The following MBNL1 variants were observed in gnomAD, a reference collection of about 807,000 sequenced individuals.
MBNL1 encodes muscleblind like splicing regulator 1.
MBNL1 carries 8 observed loss-of-function variants against 42.2 expected under a neutral mutation model. That is an observed-to-expected ratio of 0.19 (90% CI 0.11 to 0.34). The LOEUF is 0.34. MBNL1 is among the 10% of genes least tolerant of loss of function. MBNL1 has a pLI of 1.00. For missense variants in MBNL1, 309 were observed against 495.3 expected (o/e 0.62, Z 3.57); for synonymous variants, 169 against 173.9 (o/e 0.97, Z 0.22).
intron 4 of MBNL1, among the ~76,000 whole-genome samples, chr3:152,435,774 T>C (rs996967392): frequency 2.0e-5 from 3 of 152,174 alleles, no homozygotes; most frequent in African/African-American, 7.2e-5. Context: ...GCTTAACTGT[T>C]ATTCCTAAGT....
intron 2 of MBNL1, among the ~76,000 whole-genome samples, chr3:152,359,975 A>C (rs2153107691): frequency 6.6e-6 from 1 of 152,326 alleles, no homozygotes; most frequent in Non-Finnish European, 1.5e-5. Context: ...TGCCTTTTGA[A>C]AACATTGGGC....
Position 152,252,134 on chromosome 3 carries a change from A to ACCTTCCTTCCTTCCTTCCTTCCTTCCTT in MBNL1, n.333+7713_333+7740dup, listed in dbSNP as rs139692617. ...CATCCATTCTAGAACAAACTAACCT[A>ACCTTCCTTCCTTCCTTCCTTCCTTCCTT]CCTTCCTTCCTTCCTTCCTTCCTTC... On this transcript the variant is annotated intron_variant and non_coding_transcript_variant, in intron 2 of 2. Transcript: ENST00000477171. Among the ~76,000 whole-genome samples, 31 of 102,878 alleles carry ACCTTCCTTCCTTCCTTCCTTCCTTCCTT rather than the reference A, an allele frequency of 3.0e-4. 1 individual carries two copies. The highest frequency in any genetic ancestry group is 5.1e-4 in the Admixed American group (5 of 9,828). The allele number at this position is 102,878 out of a possible 152,430, so 67.5% of individuals were successfully genotyped here.
chr3:152,244,783 C>G (rs1325027967), intron 2 of MBNL1, among the ~76,000 whole-genome samples: 2 of 151,732 alleles, frequency 1.3e-5, no homozygotes, highest in African/African-American at 4.8e-5. Context: ...TTCTTCTTTC[C>G]CAGCTCTAGA....
In MBNL1 at chr3:152,463,423, TCAAAAGA is replaced by T. The variant is rs1748586477; in HGVS notation, c.*1059_*1065del. The stretch of plus-strand genomic sequence containing the variant: ...TTCTATTTATAGCCTCTGTCAAAAG[TCAAAAGA>T]CTATAAATGCTTTGCAAAAATGGTT... On this transcript the variant is annotated 3_prime_UTR_variant, in exon 10 of 10. Transcript: ENST00000324210. 6.6e-6 allele frequency: 1 copy of T among 152,438 alleles called. No individual in the cohort carries two copies. The highest frequency in any genetic ancestry group is 1.5e-5 in the Non-Finnish European group (1 of 67,940). The allele number at this position is 152,438 out of a possible 1,614,324, so 9.4% of individuals were successfully genotyped here.
chr3:152,362,573 TG>T (rs2096056810), intron 2 of MBNL1, among the ~76,000 whole-genome samples: 1 of 152,162 alleles, frequency 6.6e-6, no homozygotes. Flanking sequence ...ATTGTCATCT[TG>T]GACCCGATAA....
intron 2 of MBNL1, among the ~76,000 whole-genome samples, chr3:152,328,640 C>G (rs372007630): frequency 6.6e-6 from 1 of 152,040 alleles, no homozygotes; most frequent in Non-Finnish European, 1.5e-5. Context: ...TATGACATTA[C>G]GGAGAAGTAC....
At chr3:152,432,203 T>G (rs2099016287) in intron 3 of MBNL1, among the ~76,000 whole-genome samples, 1 of 152,214 alleles carries the variant, frequency 6.6e-6, no homozygotes, top group South Asian at 2.1e-4. Context: ...CCCATGAGAT[T>G]TATTTACAGC....
intron 2 of MBNL1, among the ~76,000 whole-genome samples, chr3:152,408,002 G>C (rs2098474284): frequency 6.6e-6 from 1 of 152,060 alleles, no homozygotes; most frequent in South Asian, 2.1e-4. Context: ...AGATTGAGGG[G>C]GATTGGGATA....
intron 2 of MBNL1, among the ~76,000 whole-genome samples, chr3:152,392,122 T>C (rs531197481): frequency 1.3e-5 from 2 of 152,062 alleles, no homozygotes; most frequent in African/African-American, 4.8e-5. Flanking sequence ...GCAGTTGACA[T>C]TTATAAATAG....
intron 5 of MBNL1, chr3:152,446,894 T>A (rs2153849806): frequency 1.5e-6 from 1 of 660,600 alleles, no homozygotes. Context: ...CTGAGTGTGG[T>A]TTCCTGACAA....
At chr3:152,453,482 A>C (rs1487968190) in intron 6 of MBNL1, among the ~76,000 whole-genome samples, 2 of 152,212 alleles carry the variant, frequency 1.3e-5, no homozygotes. Context: ...ACATTCACTT[A>C]AATTTTGCTT....
Position 152,340,718 on chromosome 3 carries a change from G to C in MBNL1, c.174+40351G>C, listed in dbSNP as rs1560211219. 5.0e-6 allele frequency: 8 copies of C among 1,614,030 alleles called. No individual in the cohort carries two copies. In the East Asian group the frequency reaches 6.7e-5, roughly 13 times the overall value. On this transcript the variant is annotated intron_variant, in intron 2 of 9. Transcript: ENST00000324210. ...CAGATGTAAACGGGAGAACTCAAAT[G>C]TTCCTTTGGATTCCGTGATGGCTGA...
chr3:152,321,468 T>A (rs2076456365), intron 2 of MBNL1, among the ~76,000 whole-genome samples: 1 of 152,014 alleles, frequency 6.6e-6, no homozygotes, highest in African/African-American at 2.4e-5. Context: ...TCCGAGAGGG[T>A]AAGTCCCTGG....
intron 5 of MBNL1, among the ~76,000 whole-genome samples, chr3:152,445,765 C>A (rs369427163): frequency 6.6e-6 from 1 of 152,154 alleles, no homozygotes; most frequent in African/African-American, 2.4e-5. Context: ...CTTAATCTGT[C>A]TTATTGTGGA....
Position 152,462,595 on chromosome 3 carries a change from T to A in MBNL1, c.*229T>A, listed in dbSNP as rs1747923108. 6.6e-6 allele frequency: 1 copy of A among 152,182 alleles called. No individual in the cohort carries two copies. Among genetic ancestry groups the A allele is most frequent in the Non-Finnish European group, 1.5e-5 (1 of 68,006 alleles). 9.4% of individuals were successfully genotyped at this position (152,182 alleles called of 1,614,324 possible). ...ACTTTGTACATTTAATTGATATTTGTGCTGAGGTGATATTCCTGTCTAAAA... is the reference window on the plus strand; with the variant it reads ...ACTTTGTACATTTAATTGATATTTGAGCTGAGGTGATATTCCTGTCTAAAA... On this transcript the variant is annotated 3_prime_UTR_variant, in exon 10 of 10. Transcript: ENST00000324210.
chr3:152,435,060 ATT>A (rs796920923), intron 4 of MBNL1, among the ~76,000 whole-genome samples: 1 of 133,644 alleles, frequency 7.5e-6, no homozygotes. Flanking sequence ...TCATTTTTCC[ATT>A]TTTTTTTTTC....
intron 2 of MBNL1, among the ~76,000 whole-genome samples, chr3:152,383,501 A>G (rs769872064): frequency 1.3e-5 from 2 of 152,012 alleles, no homozygotes; most frequent in Non-Finnish European, 2.9e-5. Flanking sequence ...GAATTAGAGA[A>G]TTACTGTTCC....
chr3:152,248,202 A>G (rs1022930433), intron 2 of MBNL1, among the ~76,000 whole-genome samples: 1 of 152,064 alleles, frequency 6.6e-6, no homozygotes, highest in Non-Finnish European at 1.5e-5. Flanking sequence ...TTCTCGTTCT[A>G]TGTGGGTGAA....
chr3:152,266,463 C>T (rs1396280605), upstream of MBNL1: 1 of 152,150 alleles, frequency 6.6e-6, no homozygotes. Flanking sequence ...CCATGTTGCT[C>T]CAAACAGCAA....
Sources: allele counts gnomAD v4.1 joint callset (sites outside exome capture counted in the v4.1 genomes callset), GRCh38; gene constraint gnomAD v4.1.1; transcripts MANE v1.5; gene names NCBI Gene and HGNC (gene_info 2026-07-23, HGNC 2026-07-21).